Variants in MYO6 observed in about 807,000 individuals in gnomAD.
MYO6 encodes unconventional myosin-VI.
MYO6 carries 74 observed loss-of-function variants against 178.7 expected under a neutral mutation model. The observed-to-expected ratio is 0.41, with a 90% CI of 0.34 to 0.50. The LOEUF (loss-of-function observed/expected upper bound fraction) is 0.50, where lower values mean the gene tolerates loss of function less well. MYO6 is among the 20% of genes least tolerant of loss of function. The pLI is 0.09. For synonymous variants in MYO6, 477 were observed against 504.6 expected, an observed-to-expected ratio of 0.95 and a Z score of 0.73; for missense variants, 1,330 against 1,547.4, an observed-to-expected ratio of 0.86 and a Z score of 2.36.
chr6:75,891,233 T>G lies in MYO6; in HGVS notation c.2873T>G (p.Leu958Arg). The G allele has an allele frequency of 6.2e-7, 1 of 1,604,094 alleles. No individual in the cohort carries two copies. The highest frequency in any genetic ancestry group is 8.5e-7 in the Non-Finnish European group (1 of 1,173,264). The change falls in exon 27 of 35, where the codon CTT becomes CGT. Residue 958 changes from leucine to arginine, a missense_variant. Physicochemically the swap from Leu to Arg is moderately radical, Grantham distance 102. Around this residue, in one of 3 missense-constraint regions of MYO6, gnomAD observed 601 missense variants for 626.1 expected, o/e 0.96. Transcript: ENST00000369977. ...RKEEEERRMK[L>R]EMEAKRKQEE... ...AGTTTTCTATTTTTTATTAGGAAAC[T>G]TGAGATGGAAGCAAAGAGAAAACAA...
chr6:75,762,203 G>A (rs748793854), intron 1 of MYO6, among the ~76,000 whole-genome samples: 13 of 152,176 alleles, frequency 8.5e-5, no homozygotes, highest in Non-Finnish European at 1.8e-4. Flanking sequence ...CCATAGTGCT[G>A]GGATTACAGG....
intron 6 of MYO6, among the ~76,000 whole-genome samples, chr6:75,834,823 A>G (rs1032294434): frequency 7.9e-5 from 12 of 152,214 alleles, no homozygotes; most frequent in African/African-American, 2.9e-4. Context: ...ATATGTGTAT[A>G]TATACATACA....
At chr6:75,842,201 T>TGC (rs1034169351) in intron 9 of MYO6, among the ~76,000 whole-genome samples, 1 of 145,026 alleles carries the variant, frequency 6.9e-6, no homozygotes, top group Admixed American at 6.9e-5. Flanking sequence ...CACACACACA[T>TGC]GCACACACAC....
At chr6:75,886,452 A>G (rs1250854877) in intron 24 of MYO6, among the ~76,000 whole-genome samples, 1 of 150,270 alleles carries the variant, frequency 6.7e-6, no homozygotes, top group Non-Finnish European at 1.5e-5. Context: ...ATATGTTTAC[A>G]TAATTTTCAA....
At chr6:75,777,684 C>T (rs528075878) in intron 1 of MYO6, among the ~76,000 whole-genome samples, 1 of 152,072 alleles carries the variant, frequency 6.6e-6, no homozygotes, top group Admixed American at 6.6e-5. Context: ...CTGTCTGCCC[C>T]CTGTGGCCTC....
rs560780951 is a variant in MYO6 at position 75,828,549 on chromosome 6, T to C, written c.197T>C (p.Met66Thr). The C allele has an allele frequency of 2.6e-6, 4 of 1,553,504 alleles. No individual in the cohort carries two copies. In the South Asian group the frequency reaches 4.5e-5, roughly 17 times the overall value. ...KKDVEDNCSLMYLNEATLLHN... is the reference protein window; with the variant it reads ...KKDVEDNCSLTYLNEATLLHN... ...AAATTTTATGTCTTAGGTTCACTAA[T>C]GTATTTAAATGAAGCCACACTGCTC... The change falls in exon 4 of 35, where the codon ATG (methionine) becomes ACG (threonine). Residue 66 changes from methionine (M) to threonine (T), a missense_variant. Transcript: ENST00000369977.
rs760300929 is a variant in MYO6 at position 75,844,880 on chromosome 6, A to G, written c.817-17A>G. ...TGGATCATATATGTTAATTATGTTT[A>G]ATTTGTTTTGTCATAGTATTTAAAC... On this transcript the variant is annotated splice_polypyrimidine_tract_variant and intron_variant, in intron 9 of 34. Transcript: ENST00000369977. The G allele has an allele frequency of 3.8e-6, 6 of 1,579,918 alleles. No homozygotes were observed. Among genetic ancestry groups the G allele is most frequent in the Non-Finnish European group, 5.2e-6 (6 of 1,149,414 alleles).
intron 1 of MYO6, among the ~76,000 whole-genome samples, chr6:75,809,583 A>C (rs1314452718): frequency 6.6e-6 from 1 of 152,180 alleles, no homozygotes; most frequent in African/African-American, 2.4e-5. Context: ...GCGAAGACAT[A>C]ATACGTGGAA....
chr6:75,841,826 G>A (rs1774258106), intron 9 of MYO6, among the ~76,000 whole-genome samples: 1 of 152,126 alleles, frequency 6.6e-6, no homozygotes, highest in Admixed American at 6.5e-5. Flanking sequence ...ATGTTAGAAT[G>A]ACCACTGTAC....
At position 75,754,554 on chromosome 6, in the gene MYO6, G is replaced by A. The variant is rs189818231; in HGVS notation, c.-48+5131G>A. On this transcript the variant is annotated intron_variant, in intron 1 of 34. Transcript: ENST00000369977. ...AAAAAAAAAAAAAAAAAAGTAAGCC[G>A]CTGACTAACCTTTACAAGGTAATAT... Among the ~76,000 whole-genome samples, 13 of 111,528 alleles carry A rather than the reference G, an allele frequency of 1.2e-4. No individual in the cohort carries two copies. The East Asian group carries it at 3.6e-3, about 31-fold the overall frequency. The allele number at this position is 111,528 out of a possible 152,430, so 73.2% of individuals were successfully genotyped here. A position where few individuals can be genotyped will look rare whatever the true frequency, so the allele number is the denominator to read the frequency against.
At chr6:75,845,986 C>CAAAA (rs35630499) in intron 10 of MYO6, among the ~76,000 whole-genome samples, 1 of 108,240 alleles carries the variant, frequency 9.2e-6, no homozygotes, top group Non-Finnish European at 1.9e-5. Flanking sequence ...GACTCTGTCT[C>CAAAA]AAAAAAAAAA....
chr6:75,780,733 A>G (rs929047872), intron 1 of MYO6, among the ~76,000 whole-genome samples: 3 of 152,046 alleles, frequency 2.0e-5, no homozygotes, highest in South Asian at 2.1e-4. Context: ...ATGATATACT[A>G]TGTTAGATAC....
intron 31 of MYO6, 102 bp downstream of exon 31, chr6:75,907,810 G>A (rs1780453937): frequency 1.2e-6 from 1 of 824,350 alleles, no homozygotes. Context: ...GTGTGTGTGT[G>A]TGTGTGTATG....
chr6:75,839,711 T>C (rs1216658834), intron 7 of MYO6, among the ~76,000 whole-genome samples: 1 of 152,152 alleles, frequency 6.6e-6, no homozygotes, highest in Non-Finnish European at 1.5e-5. Flanking sequence ...GAAAATATTA[T>C]ATTTGTTCAC....
chr6:75,850,656 G>T (rs1041230921), intron 11 of MYO6, among the ~76,000 whole-genome samples: 1 of 152,210 alleles, frequency 6.6e-6, no homozygotes. Context: ...ACGTGCTCCT[G>T]ATCCAGATGC....
intron 1 of MYO6, among the ~76,000 whole-genome samples, chr6:75,757,072 A>AGT (rs922407794): frequency 6.9e-6 from 1 of 144,166 alleles, no homozygotes; most frequent in Non-Finnish European, 1.5e-5. Flanking sequence ...ACACATATAT[A>AGT]GTGTGTATAT....
chr6:75,829,501 A>G (rs1206417198), intron 4 of MYO6, among the ~76,000 whole-genome samples: 2 of 152,076 alleles, frequency 1.3e-5, no homozygotes, highest in Admixed American at 1.3e-4. Flanking sequence ...TACTTACTTA[A>G]TTCTGACTAA....
In MYO6 at chr6:75,870,646, GAC is replaced by G; in HGVS notation, c.1948_1949del (p.Gln650ValfsTer7). The G allele has an allele frequency of 6.2e-7, 1 of 1,611,868 alleles. No homozygotes were observed. The highest frequency in any genetic ancestry group is 8.5e-7 in the Non-Finnish European group (1 of 1,178,738). Reference protein sequence around the residue: ...SFISVGNKFKTQLNLLLDKLR... With the variant: ...SFISVGNKFKXQLNLLLDKLR... The stretch of plus-strand genomic sequence containing the variant: ...ATAAACTGATTTCCTTTCTTTCACA[GAC>G]ACAGTTAAATTTGCTTCTGGATAAA... On this transcript the variant is annotated frameshift_variant and splice_region_variant, in exon 19 of 35. Coordinates refer to ENST00000369977, the MANE Select transcript of MYO6 (RefSeq NM_004999.4). LOFTEE classifies it high-confidence loss of function.
In MYO6 at chr6:75,858,988, A is replaced by G; in HGVS notation, c.1468A>G (p.Lys490Glu). 6.3e-7 allele frequency: 1 copy of G among 1,582,614 alleles called. No homozygotes were observed. Among genetic ancestry groups the G allele is most frequent in the South Asian group, 1.1e-5 (1 of 90,116 alleles). ...LQQFFNERIL[K>E]EEQELYQKEG... is the part of the protein sequence containing the mutation. ...ACAATTTTTTAATGAAAGGATTCTG[A>G]AGGAGGTAATTGCCATTATAAGTTT... Residue 490 changes from lysine to glutamate, a missense_variant, in exon 14 of 35, where the codon AAG (lysine) becomes GAG (glutamate). By Grantham distance (56) the Lys-to-Glu change is moderately conservative (BLOSUM62 1). Transcript: ENST00000369977.
Sources: gnomAD v4.1 joint callset for allele counts (sites outside exome capture counted in the v4.1 genomes callset) on GRCh38, gnomAD v4.1.1 for gene constraint, gnomAD v4.1.1 regional missense constraint, MANE v1.5 for transcripts, NCBI Gene and HGNC (gene_info 2026-07-23, HGNC 2026-07-21) for gene names.